The following ZNF793 variants were observed in gnomAD, a reference collection of about 807,000 sequenced individuals.
ZNF793 encodes zinc finger protein 793.
Under a neutral mutation model 12.4 loss-of-function variants are expected in ZNF793, and 5 were observed. That is an observed-to-expected ratio of 0.40 (90% CI 0.21 to 0.84). The LOEUF is 0.84. Among genes scored for constraint, ZNF793 ranks in the 40% least tolerant of loss-of-function variants. The probability of loss-of-function intolerance (pLI) is 0.35; values close to 1 mark genes in which losing one functional copy is unlikely to be tolerated. For synonymous variants in ZNF793, 162 were observed against 172.4 expected, an observed-to-expected ratio of 0.94 and a Z score of 0.47; for missense variants, 456 against 495.0, an observed-to-expected ratio of 0.92 and a Z score of 0.75.
At position 37,542,348 on chromosome 19, in the gene ZNF793, G is replaced by A. The variant is rs754085264; in HGVS notation, c.*4469G>A. On this transcript the variant is annotated 3_prime_UTR_variant, in exon 8 of 8. Coordinates refer to ENST00000627814, the MANE Select transcript of ZNF793 (RefSeq NM_001013659.3). ...GCAGAGGTTGCAGTGAGCCAAGATCGCGCCATTGCACTCCAACCTGGGCAA... is the reference window on the plus strand; with the variant it reads ...GCAGAGGTTGCAGTGAGCCAAGATCACGCCATTGCACTCCAACCTGGGCAA... 1.0e-5 allele frequency: 3 copies of A among 290,228 alleles called. No individual in the cohort carries two copies. The highest frequency in any genetic ancestry group is 6.3e-5 in the South Asian group (2 of 31,816). The allele number at this position is 290,228 out of a possible 1,614,324, so 18.0% of individuals were successfully genotyped here. A position where few individuals can be genotyped will look rare whatever the true frequency, so the allele number is the denominator to read the frequency against.
intron 5 of ZNF793, among the ~76,000 whole-genome samples, chr19:37,527,426 C>T (rs1294910657): frequency 1.3e-5 from 2 of 152,164 alleles, no homozygotes; most frequent in East Asian, 3.8e-4. Flanking sequence ...ATAAAATAGG[C>T]AAATTTATAT....
chr19:37,535,772 C>T (rs747593388), intron 7 of ZNF793: 1 of 152,124 alleles, frequency 6.6e-6, no homozygotes, highest in Non-Finnish European at 1.5e-5. Context: ...GATCCACCTG[C>T]CTCGGCCTCC....
At position 37,536,933 on chromosome 19, in the gene ZNF793, G is replaced by C; in HGVS notation, c.275G>C (p.Arg92Pro). 6.2e-7 allele frequency: 1 copy of C among 1,612,744 alleles called. No individual in the cohort carries two copies. The highest frequency in any genetic ancestry group is 2.2e-5 in the East Asian group (1 of 44,882). Residue 92 changes from arginine (R) to proline (P), a missense_variant, in exon 8 of 8, where the codon CGG becomes CCG. Transcript: ENST00000627814. ...CGAGTTAATATCCAGAGGAAAAGAC[G>C]GCAAGACATGCTTTTGAGGCCAGGC... ...IWRVNIQRKR[R>P]QDMLLRPGAA...
At chr19:37,513,710 A>G (rs1484747758) in intron 2 of ZNF793, among the ~76,000 whole-genome samples, 2 of 152,236 alleles carry the variant, frequency 1.3e-5, no homozygotes, top group Non-Finnish European at 2.9e-5. Context: ...TCAAAACCAC[A>G]TGACATGATC....
intron 5 of ZNF793, among the ~76,000 whole-genome samples, chr19:37,524,704 G>A (rs998045669): frequency 3.9e-5 from 6 of 152,198 alleles, no homozygotes; most frequent in Admixed American, 1.3e-4. Flanking sequence ...CGGGACCTGG[G>A]CGTCTCCTGG....
At chr19:37,518,591 C>T (rs2042351205) in intron 2 of ZNF793, among the ~76,000 whole-genome samples, 2 of 130,664 alleles carry the variant, frequency 1.5e-5, no homozygotes, top group African/African-American at 5.9e-5. Flanking sequence ...TCCGGGAGTC[C>T]AAGACCAGCC....
chr19:37,507,433 G>T (rs1435468113), intron 1 of ZNF793: 1 of 152,256 alleles, frequency 6.6e-6, no homozygotes, highest in African/African-American at 2.4e-5. Context: ...AGTTCTGTGG[G>T]CAGTAATAGT....
intron 7 of ZNF793, chr19:37,536,209 G>A (rs760713937): frequency 2.1e-5 from 8 of 374,156 alleles, no homozygotes; most frequent in African/African-American, 1.0e-4. Flanking sequence ...GTGCTTTACC[G>A]TTTATATTGT....
At chr19:37,529,850 G>T (rs1360480814) in intron 5 of ZNF793, among the ~76,000 whole-genome samples, 1 of 152,088 alleles carries the variant, frequency 6.6e-6, no homozygotes, top group African/African-American at 2.4e-5. Flanking sequence ...GGTGTTTTTC[G>T]TTAGGTGGAA....
At position 37,539,773 on chromosome 19, in the gene ZNF793, A is replaced by T. The variant is rs537141396; in HGVS notation, c.*1894A>T. 2 of 152,354 alleles carry T rather than the reference A, an allele frequency of 1.3e-5. No individual in the cohort carries two copies. The highest frequency in any genetic ancestry group is 3.9e-4 in the East Asian group (2 of 5,184). The allele number at this position is 152,354 out of a possible 1,614,324, so 9.4% of individuals were successfully genotyped here. ...AATAAGAAGTAGAAAACTTGGTAGG[A>T]TAGTTAACATTGAAAAACTCAAAAA... On this transcript the variant is annotated 3_prime_UTR_variant, in exon 8 of 8. Coordinates refer to ENST00000627814, the MANE Select transcript of ZNF793 (RefSeq NM_001013659.3).
chr19:37,509,157 A>C (rs921945341), intron 2 of ZNF793, among the ~76,000 whole-genome samples: 6 of 152,338 alleles, frequency 3.9e-5, no homozygotes, highest in Admixed American at 3.9e-4. Context: ...ACAGTGGGGA[A>C]GCCTGGGCTT....
intron 5 of ZNF793, among the ~76,000 whole-genome samples, chr19:37,526,054 G>C (rs1213431033): frequency 6.6e-6 from 1 of 152,048 alleles, no homozygotes; most frequent in Non-Finnish European, 1.5e-5. Context: ...CATCCCATCG[G>C]GCAGGCCGGG....
At chr19:37,514,528 C>T (rs1032693078) in intron 2 of ZNF793, among the ~76,000 whole-genome samples, 3 of 151,814 alleles carry the variant, frequency 2.0e-5, no homozygotes, top group African/African-American at 4.8e-5. Flanking sequence ...TGCACTCCAG[C>T]GTGGGTGACA....
At chr19:37,533,269 G>A (rs187901910) in intron 6 of ZNF793, 39 bp from the exon 7 acceptor site, 1 of 1,590,438 alleles carries the variant, frequency 6.3e-7, no homozygotes, top group East Asian at 2.2e-5. Flanking sequence ...GAAGACCAAG[G>A]AGCTCAGCCC....
intron 5 of ZNF793, among the ~76,000 whole-genome samples, chr19:37,525,875 C>A (rs775528388): frequency 3.3e-5 from 5 of 152,182 alleles, no homozygotes; most frequent in Non-Finnish European, 7.4e-5. Context: ...TATGTGTGTT[C>A]TAGTTTGGTA....
chr19:37,541,127 A>G lies in ZNF793; in HGVS notation c.*3248A>G, dbSNP rs771657381. The G allele has an allele frequency of 6.6e-6, 1 of 152,152 alleles. No homozygotes were observed. Among genetic ancestry groups the G allele is most frequent in the Non-Finnish European group, 1.5e-5 (1 of 68,018 alleles). 9.4% of individuals were successfully genotyped at this position (152,152 alleles called of 1,614,324 possible). A position where few individuals can be genotyped will look rare whatever the true frequency, so the allele number is the denominator to read the frequency against. ...GACTTCGATATATATGAACTTTTTC[A>G]TATGTGAAAAAGGTGAAATCTGAAA... On this transcript the variant is annotated 3_prime_UTR_variant, in exon 8 of 8. Coordinates refer to ENST00000627814, the MANE Select transcript of ZNF793 (RefSeq NM_001013659.3).
rs1299816251 is a variant in ZNF793 at position 37,536,952 on chromosome 19, G to T, written c.294G>T (p.Arg98Ser). The T allele has an allele frequency of 6.2e-7, 1 of 1,613,556 alleles. No homozygotes were observed. Among genetic ancestry groups the T allele is most frequent in the South Asian group, 1.1e-5 (1 of 90,900 alleles). ...AAAGACGGCAAGACATGCTTTTGAG[G>T]CCAGGCGCAGCCATAAGCAAGAAAA... ...QRKRRQDMLL[R>S]PGAAISKKTL... The change falls in exon 8 of 8, where the codon AGG becomes AGT. Residue 98 changes from arginine to serine, a missense_variant. Coordinates refer to ENST00000627814, the MANE Select transcript of ZNF793 (RefSeq NM_001013659.3).
chr19:37,531,958 A>G (rs2095521697), intron 5 of ZNF793, among the ~76,000 whole-genome samples: 1 of 152,142 alleles, frequency 6.6e-6, no homozygotes, highest in South Asian at 2.1e-4. Flanking sequence ...CCTTCCAGAT[A>G]GATAATAAGC....
intron 1 of ZNF793, among the ~76,000 whole-genome samples, chr19:37,507,816 A>G (rs1322173192): frequency 1.3e-5 from 2 of 152,152 alleles, no homozygotes; most frequent in African/African-American, 4.8e-5. Flanking sequence ...TGTTCTTTGT[A>G]GTTACTGACC....
Sources: allele counts gnomAD v4.1 joint callset (sites outside exome capture counted in the v4.1 genomes callset), GRCh38; gene constraint gnomAD v4.1.1; transcripts MANE v1.5; gene names NCBI Gene and HGNC (gene_info 2026-07-23, HGNC 2026-07-21).